Variants in CREB5 observed in about 807,000 individuals in gnomAD.
CREB5 encodes the protein cAMP responsive element binding protein 5.
In CREB5, 19 loss-of-function variants were observed where a neutral mutation model predicts 57.1. The observed-to-expected ratio is 0.33, with a 90% CI of 0.23 to 0.49. The LOEUF is 0.49. Among genes scored for constraint, CREB5 ranks in the 20% least tolerant of loss-of-function variants. The probability of loss-of-function intolerance (pLI) is 0.99; values close to 1 mark genes in which losing one functional copy is unlikely to be tolerated. For synonymous variants in CREB5, 238 were observed against 238.3 expected, an observed-to-expected ratio of 1.00 and a Z score of 0.01; for missense variants, 579 against 671.6, an observed-to-expected ratio of 0.86 and a Z score of 1.52.
chr7:28,582,096 G>C (rs940324314), intron 5 of CREB5, among the ~76,000 whole-genome samples: 2 of 152,192 alleles, frequency 1.3e-5, no homozygotes, highest in African/African-American at 4.8e-5. Flanking sequence ...AAACTGTTTA[G>C]TGGGAAAATA....
intron 4 of CREB5, among the ~76,000 whole-genome samples, chr7:28,538,210 C>T (rs149521749): frequency 1.5e-4 from 23 of 152,112 alleles, no homozygotes; most frequent in Non-Finnish European, 2.1e-4. Flanking sequence ...CTCCCCACCA[C>T]GCCCAGCTAA....
chr7:28,720,283 C>T (rs2299110), intron 6 of CREB5, among the ~76,000 whole-genome samples: 62,545 of 152,074 alleles, frequency 0.41, 13,785 homozygotes, highest in Middle Eastern at 0.54. Context: ...ATTAACAATG[C>T]CTTGCAAAGC....
intron 1 of CREB5, among the ~76,000 whole-genome samples, chr7:28,310,525 C>A (rs2127981310): frequency 6.6e-6 from 1 of 152,358 alleles, no homozygotes; most frequent in African/African-American, 2.4e-5. Context: ...CAAAGTCTAA[C>A]ATTCTTTTCA....
intron 1 of CREB5, among the ~76,000 whole-genome samples, chr7:28,401,056 G>A (rs1787451704): frequency 6.6e-6 from 1 of 152,068 alleles, no homozygotes; most frequent in Non-Finnish European, 1.5e-5. Flanking sequence ...TATTATTCTG[G>A]GTCATTATTC....
intron 1 of CREB5, among the ~76,000 whole-genome samples, chr7:28,345,289 T>TTA (rs1786033234): frequency 1.5e-5 from 2 of 135,434 alleles, no homozygotes; most frequent in South Asian, 2.4e-4. Flanking sequence ...TTTTTTTTTT[T>TTA]ATCTTTTCTC....
At position 28,554,643 on chromosome 7, in the gene CREB5, C is replaced by T. The variant is rs572032163; in HGVS notation, c.292-15722C>T. Among the ~76,000 whole-genome samples, 4 of 152,354 alleles carry T rather than the reference C, an allele frequency of 2.6e-5. No homozygotes were observed. In the South Asian group the frequency reaches 6.2e-4, roughly 24 times the overall value. On this transcript the variant is annotated intron_variant, in intron 4 of 10. Coordinates refer to ENST00000357727, the MANE Select transcript of CREB5 (RefSeq NM_182898.4). ...AAAAGTGTAACTCTACTGGGCAGCA[C>T]CCATTTGGTTACAGACACTGTGCCT...
chr7:28,311,851 G>A (rs1583662544), intron 1 of CREB5, among the ~76,000 whole-genome samples: 1 of 152,138 alleles, frequency 6.6e-6, no homozygotes, highest in African/African-American at 2.4e-5. Flanking sequence ...CACGTGGCAG[G>A]CACTGTCTCT....
chr7:28,598,083 A>G (rs1274595831), intron 5 of CREB5, among the ~76,000 whole-genome samples: 2 of 152,118 alleles, frequency 1.3e-5, no homozygotes, highest in Admixed American at 6.5e-5. Flanking sequence ...CCAAATCTCA[A>G]CTTGAATTGT....
intron 5 of CREB5, among the ~76,000 whole-genome samples, chr7:28,625,790 A>AAATCAAC (rs1240067191): frequency 6.6e-6 from 1 of 152,240 alleles, no homozygotes; most frequent in Non-Finnish European, 1.5e-5. Flanking sequence ...TAAGAGGAGT[A>AAATCAAC]AATCAACACA....
intron 1 of CREB5, among the ~76,000 whole-genome samples, chr7:28,418,907 G>T (rs1450141706): frequency 6.6e-6 from 1 of 152,068 alleles, no homozygotes; most frequent in Non-Finnish European, 1.5e-5. Flanking sequence ...GTACTATTGC[G>T]CTTGTCTTTG....
chr7:28,406,056 AAG>A (rs1787573519), intron 1 of CREB5, among the ~76,000 whole-genome samples: 1 of 152,174 alleles, frequency 6.6e-6, no homozygotes, highest in East Asian at 1.9e-4. Context: ...GCTGGGAAGA[AAG>A]AGACCATTTT....
intron 5 of CREB5, among the ~76,000 whole-genome samples, chr7:28,663,683 A>G (rs1264724062): frequency 6.6e-6 from 1 of 152,186 alleles, no homozygotes; most frequent in East Asian, 1.9e-4. Flanking sequence ...TTACACATAT[A>G]ATCCTAGTAT....
chr7:28,422,257 T>G (rs1478402766), intron 1 of CREB5, among the ~76,000 whole-genome samples: 1 of 152,180 alleles, frequency 6.6e-6, no homozygotes, highest in Non-Finnish European at 1.5e-5. Context: ...GATGGTTTGC[T>G]GTGTGGAGAG....
chr7:28,375,936 A>G (rs1031925993), intron 1 of CREB5, among the ~76,000 whole-genome samples: 19 of 152,348 alleles, frequency 1.2e-4, no homozygotes, highest in African/African-American at 4.6e-4. Flanking sequence ...GGCACAAAGA[A>G]GTTAAATAAC....
At chr7:28,506,002 G>C (rs1211558920) in intron 3 of CREB5, among the ~76,000 whole-genome samples, 1 of 152,126 alleles carries the variant, frequency 6.6e-6, no homozygotes, top group African/African-American at 2.4e-5. Flanking sequence ...ACGAACAGCT[G>C]TGGTATGCTC....
At chr7:28,372,554 A>G (rs1786729315) in intron 1 of CREB5, among the ~76,000 whole-genome samples, 1 of 152,242 alleles carries the variant, frequency 6.6e-6, no homozygotes, top group Admixed American at 6.5e-5. Context: ...ATAAAGGTGT[A>G]AATATTATTT....
chr7:28,772,196 G>T (rs185167692), intron 7 of CREB5, among the ~76,000 whole-genome samples: 3 of 152,314 alleles, frequency 2.0e-5, no homozygotes, highest in Admixed American at 1.3e-4. Flanking sequence ...TCTTTAGAGA[G>T]ACTCTGCTTC....
intron 1 of CREB5, among the ~76,000 whole-genome samples, chr7:28,388,821 A>G (rs1787158841): frequency 6.6e-6 from 1 of 152,236 alleles, no homozygotes; most frequent in Non-Finnish European, 1.5e-5. Context: ...CTCTGAAATC[A>G]GTAGTAAATT....
intron 5 of CREB5, among the ~76,000 whole-genome samples, chr7:28,648,488 C>T (rs776721527): frequency 5.3e-5 from 8 of 152,086 alleles, no homozygotes; most frequent in Admixed American, 3.3e-4. Flanking sequence ...GTAATCCCAG[C>T]ATTTTGGGAG....
Sources: gnomAD v4.1 joint callset for allele counts (sites outside exome capture counted in the v4.1 genomes callset) on GRCh38, gnomAD v4.1.1 for gene constraint, MANE v1.5 for transcripts, NCBI Gene and HGNC (gene_info 2026-07-23, HGNC 2026-07-21) for gene names.